BTBD1: variants seen among roughly 807,000 people sequenced by gnomAD.
BTBD1 encodes the protein BTB domain containing 1.
Under a neutral mutation model 48.0 loss-of-function variants are expected in BTBD1, and 34 were observed. That is an observed-to-expected ratio of 0.71 (90% CI 0.54 to 0.94). BTBD1 has a LOEUF of 0.94. BTBD1 is among the 40% of genes least tolerant of loss of function. BTBD1 has a pLI of 0.00. For missense variants in BTBD1, 543 were observed against 625.6 expected, an observed-to-expected ratio of 0.87 and a Z score of 1.41; for synonymous variants, 261 against 242.1, an observed-to-expected ratio of 1.08 and a Z score of -0.72.
At chr15:83,040,472 G>A (rs1246105436) in intron 4 of BTBD1, among the ~76,000 whole-genome samples, 2 of 152,160 alleles carry the variant, frequency 1.3e-5, no homozygotes, top group Non-Finnish European at 2.9e-5. Flanking sequence ...GGAGCCCGAG[G>A]TGGGCAGATC....
intron 3 of BTBD1, among the ~76,000 whole-genome samples, chr15:83,047,659 C>T (rs1374284803): frequency 3.3e-5 from 5 of 152,140 alleles, no homozygotes; most frequent in African/African-American, 1.2e-4. Context: ...TCCCATCTGC[C>T]AGCAAAACAC....
intron 5 of BTBD1, among the ~76,000 whole-genome samples, chr15:83,028,140 A>G (rs541398674): frequency 1.3e-5 from 2 of 152,282 alleles, no homozygotes; most frequent in East Asian, 3.9e-4. Context: ...TTAGCAAATA[A>G]TCAATCAGAA....
chr15:83,035,041 C>A (rs1486583268), intron 4 of BTBD1, among the ~76,000 whole-genome samples: 1 of 152,156 alleles, frequency 6.6e-6, no homozygotes, highest in Non-Finnish European at 1.5e-5. Context: ...TGCCTGTAAT[C>A]CTAGCATTTT....
intron 4 of BTBD1, among the ~76,000 whole-genome samples, chr15:83,037,502 A>C (rs565393560): frequency 1.3e-5 from 2 of 152,232 alleles, no homozygotes; most frequent in Non-Finnish European, 2.9e-5. Flanking sequence ...CTTCATGATA[A>C]AAGCCCTCAA....
rs1313249568 is a variant in BTBD1, at chr15:83,017,832, T to C, written c.*235A>G. 3.6e-5 allele frequency: 9 copies of C among 252,956 alleles called. No individual in the cohort carries two copies. The highest frequency in any genetic ancestry group is 4.5e-5 in the African/African-American group (2 of 44,878). The allele number at this position is 252,956 out of a possible 1,614,324, so 15.7% of individuals were successfully genotyped here. On this transcript the variant is annotated 3_prime_UTR_variant, in exon 8 of 8. Coordinates refer to ENST00000261721, the MANE Select transcript of BTBD1 (RefSeq NM_025238.4). ...CAAGATGAAGGTGAAAAAGCTGTGC[T>C]TTTTTTTAAACCATTAAACCCAGTT... is the stretch of plus-strand genomic sequence containing the variant.
chr15:83,020,975 A>T (rs1160329758), intron 5 of BTBD1, among the ~76,000 whole-genome samples: 1 of 152,352 alleles, frequency 6.6e-6, no homozygotes, highest in South Asian at 2.1e-4. Flanking sequence ...TTGGTTTTGT[A>T]AAAGAATTTA....
At chr15:83,051,952 T>A (rs1233328524) in intron 2 of BTBD1, among the ~76,000 whole-genome samples, 1 of 148,042 alleles carries the variant, frequency 6.8e-6, no homozygotes, top group East Asian at 2.0e-4. Flanking sequence ...GTTGCACACA[T>A]CATGGCCTTT....
chr15:83,030,074 A>G (rs8038619), intron 5 of BTBD1, 62 bp downstream of exon 5: 102,930 of 1,442,548 alleles, frequency 0.071, 4,073 homozygotes, highest in African/African-American at 0.12. Flanking sequence ...ATAATATATA[A>G]AAAAGGCCAA....
Position 83,020,723 on chromosome 15 carries a change from G to T in BTBD1, c.1095C>A (p.Gly365=). ...VNRRISIVGF[G]LYGSIHGPTD... ...TAGGGCCATGAATAGATCCATACAA[G>T]CCAAATCCAACTATAGAGATCCTTC... The change falls in exon 6 of 8, where the codon GGC becomes GGA. Residue 365 remains glycine, a synonymous_variant. Coordinates refer to ENST00000261721, the MANE Select transcript of BTBD1 (RefSeq NM_025238.4). 6.2e-7 allele frequency: 1 copy of T among 1,608,754 alleles called. No homozygotes were observed. The highest frequency in any genetic ancestry group is 8.5e-7 in the Non-Finnish European group (1 of 1,175,588).
At chr15:83,064,855 G>C (rs964178712) in intron 1 of BTBD1, among the ~76,000 whole-genome samples, 11 of 152,216 alleles carry the variant, frequency 7.2e-5, no homozygotes, top group East Asian at 3.9e-4. Flanking sequence ...TTTAGCTTTT[G>C]AGGTCCCCCC....
At chr15:83,050,422 TTA>T (rs2032958759) in intron 2 of BTBD1, among the ~76,000 whole-genome samples, 1 of 136,504 alleles carries the variant, frequency 7.3e-6, no homozygotes, top group African/African-American at 2.8e-5. Context: ...CCTGTTATTT[TTA>T]TGTGCTTGTG....
rs2032240180 is a variant in BTBD1 at position 83,019,375 on chromosome 15, G to A, written c.1144-522C>T. ...GCCCTAATTTTTCATTTTTTTTGTA[G>A]AGATGGGATCGTGTTCTGTTGCCCA... On this transcript the variant is annotated intron_variant, in intron 6 of 7. Coordinates refer to ENST00000261721, the MANE Select transcript of BTBD1 (RefSeq NM_025238.4). Among the ~76,000 whole-genome samples, 2 of 151,686 alleles carry A rather than the reference G, an allele frequency of 1.3e-5. 1 individual carries two copies. Among genetic ancestry groups the A allele is most frequent in the South Asian group, 4.2e-4 (2 of 4,808 alleles).
intron 2 of BTBD1, among the ~76,000 whole-genome samples, chr15:83,050,381 C>T (rs904098108): frequency 2.6e-5 from 4 of 151,464 alleles, no homozygotes; most frequent in African/African-American, 7.3e-5. Flanking sequence ...AAATGCCCTG[C>T]TAAGAACAAA....
At chr15:83,022,025 A>G (rs1000856051) in intron 5 of BTBD1, among the ~76,000 whole-genome samples, 5 of 152,012 alleles carry the variant, frequency 3.3e-5, no homozygotes, top group African/African-American at 9.7e-5. Flanking sequence ...GTACAGTAAG[A>G]TCACCTTAAA....
rs1002061768 is a variant in BTBD1 at position 83,016,973 on chromosome 15, T to A, written c.*1094A>T. 6.6e-6 allele frequency: 1 copy of A among 152,472 alleles called. No homozygotes were observed. Among genetic ancestry groups the A allele is most frequent in the East Asian group, 1.9e-4 (1 of 5,194 alleles). The allele number at this position is 152,472 out of a possible 1,614,324, so 9.4% of individuals were successfully genotyped here. ...GAGAATCACTTTCAAGGGAAAAAAATGGATGTTACTATATTTTAAAATCTG... is the reference window on the plus strand; with the variant it reads ...GAGAATCACTTTCAAGGGAAAAAAAAGGATGTTACTATATTTTAAAATCTG... On this transcript the variant is annotated 3_prime_UTR_variant, in exon 8 of 8. Transcript: ENST00000261721.
At chr15:83,033,665 G>GA (rs1162357548) in intron 4 of BTBD1, among the ~76,000 whole-genome samples, 1 of 152,094 alleles carries the variant, frequency 6.6e-6, no homozygotes, top group African/African-American at 2.4e-5. Context: ...CTGCAGCCTT[G>GA]AACTCCTGGG....
chr15:83,030,618 A>G, intron 4 of BTBD1: 1 of 257,956 alleles, frequency 3.9e-6, no homozygotes, highest in Non-Finnish European at 7.3e-6. Context: ...ACAAAAATCA[A>G]CTCAAGATGG....
chr15:83,024,583 G>A (rs2032368632), intron 5 of BTBD1, among the ~76,000 whole-genome samples: 1 of 152,134 alleles, frequency 6.6e-6, no homozygotes, highest in Non-Finnish European at 1.5e-5. Context: ...AGGTACATGG[G>A]ATCAGTAAGG....
Position 83,067,186 on chromosome 15 carries a change from A to C in BTBD1, c.-35T>G. ...GCGCGGTTGCCCACGTTATGGACAA[A>C]ACTCCGCCGCCATCGCCCAGGCCGC... On this transcript the variant is annotated 5_prime_UTR_variant, in exon 1 of 8. Coordinates refer to ENST00000261721, the MANE Select transcript of BTBD1 (RefSeq NM_025238.4). The C allele has an allele frequency of 7.3e-7, 1 of 1,370,340 alleles. No homozygotes were observed. The highest frequency in any genetic ancestry group is 9.4e-7 in the Non-Finnish European group (1 of 1,063,468). 84.9% of individuals were successfully genotyped at this position (1,370,340 alleles called of 1,614,324 possible). A position where few individuals can be genotyped will look rare whatever the true frequency, so the allele number is the denominator to read the frequency against.
Sources: allele counts gnomAD v4.1 joint callset (sites outside exome capture counted in the v4.1 genomes callset), GRCh38; gene constraint gnomAD v4.1.1; transcripts MANE v1.5; gene names NCBI Gene and HGNC (gene_info 2026-07-23, HGNC 2026-07-21).